Variants in EPB41L2 observed in about 807,000 individuals in gnomAD.
EPB41L2 encodes the protein band 4.1-like protein 2.
Under a neutral mutation model 113.0 loss-of-function variants are expected in EPB41L2, and 43 were observed. The ratio of observed to expected loss-of-function variants is 0.38; its 90% CI spans 0.30 to 0.49. The LOEUF (loss-of-function observed/expected upper bound fraction) is 0.49, where lower values mean the gene tolerates loss of function less well. EPB41L2 is among the 20% of genes least tolerant of loss of function. The pLI is 0.95. For synonymous variants in EPB41L2, 442 were observed against 436.7 expected, an observed-to-expected ratio of 1.01 and a Z score of -0.15; for missense variants, 1,147 against 1,223.4, an observed-to-expected ratio of 0.94 and a Z score of 0.93.
intron 19 of EPB41L2, among the ~76,000 whole-genome samples, chr6:130,856,174 TA>T (rs772678338): frequency 3.5e-4 from 53 of 152,140 alleles, no homozygotes; most frequent in Non-Finnish European, 6.8e-4. Context: ...AATTTCTACA[TA>T]AAAAATATCT....
At chr6:130,858,048 G>T in intron 19 of EPB41L2, 83 bp downstream of exon 19, 1 of 1,084,248 alleles carries the variant, frequency 9.2e-7, no homozygotes, top group Non-Finnish European at 1.4e-6. Context: ...ACACTGATAT[G>T]AACTTTCATT....
chr6:130,977,858 C>A (rs879796210), intron 1 of EPB41L2, among the ~76,000 whole-genome samples: 16 of 152,158 alleles, frequency 1.1e-4, no homozygotes, highest in Non-Finnish European at 2.9e-5. Context: ...TGGTAAAGTG[C>A]AAAACACTAA....
At chr6:130,896,351 G>C (rs1186209361) in intron 8 of EPB41L2, among the ~76,000 whole-genome samples, 1 of 152,196 alleles carries the variant, frequency 6.6e-6, no homozygotes, top group Non-Finnish European at 1.5e-5. Context: ...TCTAGGAATA[G>C]ACTAAAAAGC....
rs1218485911 is a variant in EPB41L2, at chr6:130,840,608, A to G, written c.*6-10T>C. 1 of 102,222 alleles carries G rather than the reference A, an allele frequency of 9.8e-6. No individual in the cohort carries two copies. The highest frequency in any genetic ancestry group is 1.8e-5 in the Non-Finnish European group (1 of 55,428). The allele number at this position is 102,222 out of a possible 1,614,324, so 6.3% of individuals were successfully genotyped here. On this transcript the variant is annotated splice_polypyrimidine_tract_variant and intron_variant, in intron 19 of 19. Transcript: ENST00000337057. Reference sequence around the variant, plus strand: ...TTTAAAAAATGACTTTCTAGAAGAGAAAAAAAAAAAAAAAACAGAAGGCTT... The same window carrying G: ...TTTAAAAAATGACTTTCTAGAAGAGGAAAAAAAAAAAAAAACAGAAGGCTT...
At chr6:130,863,085 A>G (rs972943771) in intron 18 of EPB41L2, among the ~76,000 whole-genome samples, 6 of 152,244 alleles carry the variant, frequency 3.9e-5, no homozygotes, top group African/African-American at 1.4e-4. Context: ...CAAATTTAAC[A>G]TTAGAATGGA....
rs188605254 is a variant in EPB41L2 at position 130,840,197 on chromosome 6, T to C, written c.*407A>G. The C allele has an allele frequency of 6.5e-6, 1 of 152,744 alleles. No individual in the cohort carries two copies. The highest frequency in any genetic ancestry group is 2.4e-5 in the African/African-American group (1 of 41,580). The allele number at this position is 152,744 out of a possible 1,614,324, so 9.5% of individuals were successfully genotyped here. On this transcript the variant is annotated 3_prime_UTR_variant, in exon 20 of 20. Transcript: ENST00000337057. Reference sequence around the variant, plus strand: ...TATCTAAATTAGTCACAGAGTTTCCTTTCTGCGCAACAGCACCTGTTCAAG... The same window carrying C: ...TATCTAAATTAGTCACAGAGTTTCCCTTCTGCGCAACAGCACCTGTTCAAG...
At chr6:131,014,264 G>C (rs1352063747) in intron 1 of EPB41L2, 1 of 152,146 alleles carries the variant, frequency 6.6e-6, no homozygotes, top group Non-Finnish European at 1.5e-5. Flanking sequence ...GGGGAGGTGA[G>C]GGTAGGAGGT....
chr6:130,945,134 CT>C (rs941023619), intron 3 of EPB41L2, among the ~76,000 whole-genome samples: 12 of 152,114 alleles, frequency 7.9e-5, no homozygotes, highest in African/African-American at 2.7e-4. Context: ...TTTATGGAAT[CT>C]TATAGAGTGC....
rs58752395 is a variant in EPB41L2, at chr6:130,867,937, GACACACACACAC to G, written c.2608-368_2608-357del. 6.1e-5 allele frequency: 11 copies of G among 179,258 alleles called. No individual in the cohort carries two copies. The East Asian group carries it at 7.9e-4, about 13-fold the overall frequency. 11.1% of individuals were successfully genotyped at this position (179,258 alleles called of 1,614,324 possible). On this transcript the variant is annotated intron_variant, in intron 15 of 19. Transcript: ENST00000337057. The stretch of plus-strand genomic sequence containing the variant: ...TTTTATGTCAAGCCTAGTGTATAGT[GACACACACACAC>G]ACACACACACACACACACACACACT...
chr6:131,014,062 A>T (rs1787647237), intron 1 of EPB41L2: 1 of 63,134 alleles, frequency 1.6e-5, no homozygotes, highest in Admixed American at 1.4e-4. Context: ...AATAGGTGTG[A>T]TTAAAAAAAA....
rs534171052 is a variant in EPB41L2 at position 130,916,563 on chromosome 6, G to A, written c.811-7700C>T. On this transcript the variant is annotated intron_variant, in intron 4 of 19. Transcript: ENST00000337057. ...GCCTAACTCTTGCCTCAGTGGCTAC[G>A]AATATTTGAACACTTCTGGGACCAT... Among the ~76,000 whole-genome samples, 20 of 152,282 alleles carry A rather than the reference G, an allele frequency of 1.3e-4. 1 individual carries two copies. In the Middle Eastern group the frequency reaches 0.01, roughly 78 times the overall value.
At chr6:130,987,015 A>G (rs1428727640) in intron 1 of EPB41L2, among the ~76,000 whole-genome samples, 1 of 152,022 alleles carries the variant, frequency 6.6e-6, no homozygotes, top group Non-Finnish European at 1.5e-5. Flanking sequence ...GGTTTCTTTC[A>G]CTTATGTTTT....
At chr6:130,910,932 G>A (rs1265608119) in intron 4 of EPB41L2, among the ~76,000 whole-genome samples, 1 of 152,208 alleles carries the variant, frequency 6.6e-6, no homozygotes, top group Non-Finnish European at 1.5e-5. Flanking sequence ...TGGTGGGAGT[G>A]TAAATTAGTT....
At chr6:131,056,278 T>C (rs1407009055) in intron 1 of EPB41L2, among the ~76,000 whole-genome samples, 1 of 152,236 alleles carries the variant, frequency 6.6e-6, no homozygotes, top group Non-Finnish European at 1.5e-5. Flanking sequence ...ACTGTGGTTA[T>C]AGAGAGAAGA....
At chr6:130,863,804 C>A in intron 17 of EPB41L2, 86 bp from the exon 18 acceptor site, 1 of 828,416 alleles carries the variant, frequency 1.2e-6, no homozygotes, top group South Asian at 1.5e-5. Flanking sequence ...GGGAGTCCAC[C>A]TAGACCTGTG....
chr6:130,996,288 C>A (rs1427433642), intron 1 of EPB41L2, among the ~76,000 whole-genome samples: 1 of 152,184 alleles, frequency 6.6e-6, no homozygotes, highest in Non-Finnish European at 1.5e-5. Flanking sequence ...CCAACTGATG[C>A]CCAGACATAA....
chr6:130,858,319 CTGATCACCTCGG>C, intron 18 of EPB41L2, 76 bp from the exon 19 acceptor site: 4 of 1,165,208 alleles, frequency 3.4e-6, no homozygotes, highest in Non-Finnish European at 4.9e-6. Flanking sequence ...CACACACACA[CTGATCACCTCGG>C]ACCCAACCTC....
chr6:130,952,569 A>C (rs925535927), intron 3 of EPB41L2, among the ~76,000 whole-genome samples: 1 of 152,164 alleles, frequency 6.6e-6, no homozygotes, highest in Admixed American at 6.6e-5. Context: ...TAATCCCAGC[A>C]CTTGGGAGGC....
At chr6:130,856,465 G>A (rs1181124193) in intron 19 of EPB41L2, among the ~76,000 whole-genome samples, 1 of 152,196 alleles carries the variant, frequency 6.6e-6, no homozygotes, top group Non-Finnish European at 1.5e-5. Flanking sequence ...GAGAAAACAA[G>A]AATGGCTAAT....
Sources: gnomAD v4.1 joint callset for allele counts (sites outside exome capture counted in the v4.1 genomes callset) on GRCh38, gnomAD v4.1.1 for gene constraint, MANE v1.5 for transcripts, NCBI Gene and HGNC (gene_info 2026-07-23, HGNC 2026-07-21) for gene names.